CABIN1: variants seen among roughly 807,000 people sequenced by gnomAD.
The protein encoded by CABIN1 is calcineurin-binding protein cabin-1.
In CABIN1, 133 loss-of-function variants were observed where a neutral mutation model predicts 227.7. The observed-to-expected ratio is 0.58, with a 90% CI of 0.51 to 0.67. The LOEUF (loss-of-function observed/expected upper bound fraction) is 0.67, where lower values mean the gene tolerates loss of function less well. CABIN1 is among the 30% of genes least tolerant of loss of function. CABIN1 has a pLI of 0.00. For synonymous variants in CABIN1, 1,086 were observed against 1,155.1 expected (o/e 0.94, Z 1.21); for missense variants, 2,408 against 2,852.5 (o/e 0.84, Z 3.55).
chr22:24,030,753 A>G (rs1326195466), intron 1 of CABIN1, among the ~76,000 whole-genome samples: 2 of 151,896 alleles, frequency 1.3e-5, no homozygotes, highest in Admixed American at 6.6e-5. Flanking sequence ...TGGGGCAGGG[A>G]CTCAGACAGC....
chr22:24,137,113 C>A (rs1424990466), intron 29 of CABIN1, among the ~76,000 whole-genome samples: 3 of 152,196 alleles, frequency 2.0e-5, no homozygotes. Context: ...CAGGATCTGG[C>A]ACATGGCAGG....
At chr22:24,174,425 C>T (rs760862865) in intron 34 of CABIN1, among the ~76,000 whole-genome samples, 11 of 152,256 alleles carry the variant, frequency 7.2e-5, no homozygotes, top group Non-Finnish European at 1.5e-4. Context: ...CACCATACCC[C>T]GCCTGAGGAT....
chr22:24,097,201 A>G (rs182032416), intron 25 of CABIN1, among the ~76,000 whole-genome samples: 16 of 152,244 alleles, frequency 1.1e-4, no homozygotes, highest in Non-Finnish European at 2.1e-4. Context: ...TAATTATACA[A>G]ATAATACATG....
At chr22:24,053,844 G>T (rs1425807258) in intron 8 of CABIN1, among the ~76,000 whole-genome samples, 2 of 152,124 alleles carry the variant, frequency 1.3e-5, no homozygotes, top group Admixed American at 6.5e-5. Flanking sequence ...GCCTCAAGCT[G>T]ATGGGGGCTG....
chr22:24,110,541 A>G (rs1317218011), intron 26 of CABIN1, among the ~76,000 whole-genome samples: 2 of 152,240 alleles, frequency 1.3e-5, no homozygotes, highest in Admixed American at 1.3e-4. Context: ...CTGGCTTCAT[A>G]TTCATTCTAC....
Position 24,178,179 on chromosome 22 carries a change from G to A in CABIN1, c.6646G>A (p.Asp2216Asn), listed in dbSNP as rs770333603. Residue 2216 changes from aspartate to asparagine, a missense_variant, in exon 37 of 37, where the codon GAC (aspartate) becomes AAC (asparagine). By Grantham distance (23) the Asp-to-Asn change is conservative. Transcript: ENST00000263119. ...SLESETDEDD[D>N]YMDI is the part of the protein sequence containing the mutation. ...GGAGAGCGAGACAGACGAGGACGAC[G>A]ACTACATGGACATTTGAGGGGCCAC... 26 of 1,613,232 alleles carry A rather than the reference G, an allele frequency of 1.6e-5. No individual in the cohort carries two copies. Among genetic ancestry groups the A allele is most frequent in the East Asian group, 4.5e-5 (2 of 44,876 alleles).
intron 23 of CABIN1, among the ~76,000 whole-genome samples, chr22:24,090,350 G>C (rs960061526): frequency 6.6e-6 from 1 of 152,174 alleles, no homozygotes; most frequent in Admixed American, 6.5e-5. Flanking sequence ...AATTCAAGTA[G>C]AAGGACATCC....
At chr22:24,029,927 A>G (rs1242046124) in intron 1 of CABIN1, among the ~76,000 whole-genome samples, 1 of 152,196 alleles carries the variant, frequency 6.6e-6, no homozygotes, top group Non-Finnish European at 1.5e-5. Flanking sequence ...TCTGCTGCCC[A>G]CCAGCTGGGC....
At chr22:24,172,629 G>A (rs535702611) in intron 34 of CABIN1, among the ~76,000 whole-genome samples, 1 of 152,344 alleles carries the variant, frequency 6.6e-6, no homozygotes, top group Admixed American at 6.5e-5. Flanking sequence ...GGCCTCATCG[G>A]TGAAAGCTCC....
In CABIN1 at chr22:24,100,255, C is replaced by G. The variant is rs200752122; in HGVS notation, c.4117+2063C>G. On this transcript the variant is annotated intron_variant, in intron 26 of 36. Coordinates refer to ENST00000263119, the MANE Select transcript of CABIN1 (RefSeq NM_012295.4). ...TGCACTGGCCACCTGTGTGCTCTGCCCAGGCCTGGCTGCATAATGCTTTCA... is the reference window on the plus strand; with the variant it reads ...TGCACTGGCCACCTGTGTGCTCTGCGCAGGCCTGGCTGCATAATGCTTTCA... 4.8e-4 allele frequency among the ~76,000 whole-genome samples: 73 copies of G among 152,320 alleles called. 1 individual carries two copies. The East Asian group carries it at 0.013, about 28-fold the overall frequency.
chr22:24,153,756 A>G (rs1381838961), intron 29 of CABIN1, among the ~76,000 whole-genome samples: 1 of 152,162 alleles, frequency 6.6e-6, no homozygotes, highest in Non-Finnish European at 1.5e-5. Context: ...AGGAAGCTGG[A>G]ACCCACAAGG....
chr22:24,134,228 G>A lies in CABIN1; in HGVS notation c.4633-74G>A, dbSNP rs889836218. ...GTTTGCCATGCAGCCAGGAAGGAGG[G>A]GACCGCCTGCCTTCCCTGTGGGCGC... is the stretch of plus-strand genomic sequence containing the variant. On this transcript the variant is annotated intron_variant, in intron 28 of 36. Coordinates refer to ENST00000263119, the MANE Select transcript of CABIN1 (RefSeq NM_012295.4). 2.8e-6 allele frequency: 3 copies of A among 1,059,826 alleles called. No individual in the cohort carries two copies. In the African/African-American group the frequency reaches 4.7e-5, roughly 17 times the overall value. The allele number at this position is 1,059,826 out of a possible 1,614,324, so 65.7% of individuals were successfully genotyped here.
intron 33 of CABIN1, among the ~76,000 whole-genome samples, chr22:24,169,568 G>T (rs2046666278): frequency 6.6e-6 from 1 of 152,196 alleles, no homozygotes. Flanking sequence ...CCTTGACAGG[G>T]AGTGCCCCAA....
At chr22:24,169,527 G>C (rs2046664320) in intron 33 of CABIN1, among the ~76,000 whole-genome samples, 1 of 152,164 alleles carries the variant, frequency 6.6e-6, no homozygotes, top group Non-Finnish European at 1.5e-5. Flanking sequence ...TGGGGAGTAG[G>C]TGGGCCTGGT....
intron 20 of CABIN1, among the ~76,000 whole-genome samples, chr22:24,084,353 C>G (rs931557751): frequency 6.6e-6 from 1 of 151,804 alleles, no homozygotes; most frequent in African/African-American, 2.4e-5. Context: ...ATTCTCCTGC[C>G]GCAACCTCCT....
intron 26 of CABIN1, among the ~76,000 whole-genome samples, chr22:24,106,088 A>G (rs1158184915): frequency 6.6e-6 from 1 of 152,232 alleles, no homozygotes; most frequent in Non-Finnish European, 1.5e-5. Flanking sequence ...TCACTTGGGC[A>G]GCATGAGAGT....
intron 6 of CABIN1, among the ~76,000 whole-genome samples, chr22:24,048,384 A>C (rs2038059859): frequency 6.6e-6 from 1 of 151,892 alleles, no homozygotes; most frequent in African/African-American, 2.4e-5. Flanking sequence ...GACATACTTT[A>C]TTTAACCAGG....
intron 33 of CABIN1, among the ~76,000 whole-genome samples, chr22:24,171,180 C>G (rs1011535406): frequency 6.6e-6 from 1 of 152,196 alleles, no homozygotes; most frequent in African/African-American, 2.4e-5. Flanking sequence ...AGAGGCCAAG[C>G]TGGGGGCAGC....
chr22:24,108,634 A>G (rs1202468159), intron 26 of CABIN1, among the ~76,000 whole-genome samples: 1 of 152,198 alleles, frequency 6.6e-6, no homozygotes, highest in Non-Finnish European at 1.5e-5. Flanking sequence ...AAAGGCAGCT[A>G]TGAAGGAAGG....
Sources: allele counts gnomAD v4.1 joint callset (sites outside exome capture counted in the v4.1 genomes callset), GRCh38; gene constraint gnomAD v4.1.1; transcripts MANE v1.5; gene names NCBI Gene and HGNC (gene_info 2026-07-23, HGNC 2026-07-21).